Variants in RNF220 observed in about 807,000 individuals in gnomAD.
RNF220 encodes the protein E3 ubiquitin-protein ligase RNF220.
RNF220 carries 7 observed loss-of-function variants against 67.1 expected under a neutral mutation model. The ratio of observed to expected loss-of-function variants is 0.10; its 90% CI spans 0.06 to 0.20. RNF220 has a LOEUF of 0.20. Ranked by LOEUF, RNF220 falls within the 10% of genes least tolerant of loss-of-function variation. The pLI, the probability that RNF220 is intolerant of heterozygous loss-of-function variation, is 1.00. For missense variants in RNF220, 565 were observed against 740.3 expected (o/e 0.76, Z 2.75); for synonymous variants, 270 against 283.2 (o/e 0.95, Z 0.47).
chr1:44,558,321 A>G (rs1663281670), intron 2 of RNF220, among the ~76,000 whole-genome samples: 1 of 152,226 alleles, frequency 6.6e-6, no homozygotes, highest in Non-Finnish European at 1.5e-5. Context: ...TATGCACACC[A>G]AGGGCCATAC....
At chr1:44,560,358 G>C (rs1663469825) in intron 2 of RNF220, among the ~76,000 whole-genome samples, 1 of 152,190 alleles carries the variant, frequency 6.6e-6, no homozygotes, top group Admixed American at 6.5e-5. Flanking sequence ...ACAGCCACAA[G>C]ATTTTCCAGT....
chr1:44,493,792 T>C (rs751461990), intron 2 of RNF220, among the ~76,000 whole-genome samples: 9 of 151,156 alleles, frequency 6.0e-5, no homozygotes, highest in Non-Finnish European at 1.3e-4. Flanking sequence ...CTGGGCAACA[T>C]AGGGAGATTC....
At chr1:44,605,097 G>A (rs1268147260) in intron 2 of RNF220, among the ~76,000 whole-genome samples, 3 of 152,024 alleles carry the variant, frequency 2.0e-5, no homozygotes, top group Non-Finnish European at 1.5e-5. Flanking sequence ...TCAGGAGATC[G>A]AGACCATCCT....
At chr1:44,590,452 C>T (rs56186608) in intron 2 of RNF220, among the ~76,000 whole-genome samples, 53,826 of 152,126 alleles carry the variant, frequency 0.35, 10,065 homozygotes, top group African/African-American at 0.47. Flanking sequence ...CTGCAGGAGC[C>T]CCATGCTTCC....
intron 2 of RNF220, among the ~76,000 whole-genome samples, chr1:44,493,406 C>T (rs1657033456): frequency 6.6e-6 from 1 of 151,758 alleles, no homozygotes; most frequent in South Asian, 2.1e-4. Context: ...CCCAGCTACT[C>T]GGGAGGTTGA....
intron 2 of RNF220, among the ~76,000 whole-genome samples, chr1:44,524,877 A>G (rs1408223802): frequency 6.6e-6 from 1 of 152,248 alleles, no homozygotes; most frequent in Non-Finnish European, 1.5e-5. Flanking sequence ...CCCAAGGCTT[A>G]TCGGGGTTAG....
At chr1:44,609,585 A>G (rs1667517686) in intron 2 of RNF220, among the ~76,000 whole-genome samples, 1 of 152,170 alleles carries the variant, frequency 6.6e-6, no homozygotes. Flanking sequence ...TTGTGCCGGC[A>G]CTTGAGTTGC....
intron 2 of RNF220, among the ~76,000 whole-genome samples, chr1:44,450,440 C>A (rs992374398): frequency 4.6e-5 from 7 of 152,100 alleles, no homozygotes; most frequent in African/African-American, 1.7e-4. Flanking sequence ...TACTCCCTTC[C>A]ACAAACGTAA....
At chr1:44,619,136 A>C (rs2148442321) in intron 3 of RNF220, among the ~76,000 whole-genome samples, 1 of 152,336 alleles carries the variant, frequency 6.6e-6, no homozygotes. Flanking sequence ...GCCCTCAGGC[A>C]GGAGTTTCCA....
At chr1:44,612,737 G>A (rs270733) in intron 2 of RNF220, among the ~76,000 whole-genome samples, 149,456 of 152,252 alleles carry the variant, frequency 0.98, 73,420 homozygotes, top group Non-Finnish European at 1. Flanking sequence ...AGTATGTCCC[G>A]TGTAGTACTT....
chr1:44,602,801 T>C (rs562293859), intron 2 of RNF220, among the ~76,000 whole-genome samples: 10 of 152,062 alleles, frequency 6.6e-5, no homozygotes, highest in African/African-American at 2.2e-4. Context: ...TGCACCTTCA[T>C]TTCTCAGGTC....
chr1:44,456,980 C>T lies in RNF220; in HGVS notation c.625+44258C>T, dbSNP rs1653253664. On this transcript the variant is annotated intron_variant, in intron 2 of 14. Coordinates refer to ENST00000361799, the MANE Select transcript of RNF220 (RefSeq NM_018150.4). ...GGATCTGGAACACACGTCCCCCCAA[C>T]CCCTCCTGCTCCTACCTATCCCCAA... 3.3e-5 allele frequency among the ~76,000 whole-genome samples: 5 copies of T among 152,208 alleles called. No individual in the cohort carries two copies. In the South Asian group the frequency reaches 8.3e-4, roughly 25 times the overall value.
chr1:44,507,689 T>C (rs1658560847), intron 2 of RNF220, among the ~76,000 whole-genome samples: 1 of 152,024 alleles, frequency 6.6e-6, no homozygotes, highest in African/African-American at 2.4e-5. Context: ...GGGTACGGAA[T>C]GAAGCCCCGC....
At chr1:44,644,367 C>CT in intron 8 of RNF220, 1 of 248,372 alleles carries the variant, frequency 4.0e-6, no homozygotes, top group South Asian at 5.9e-5. Flanking sequence ...TTTCTGTCCT[C>CT]TTACTGTTCT....
chr1:44,467,205 CT>C (rs374067569), intron 2 of RNF220, among the ~76,000 whole-genome samples: 19 of 151,070 alleles, frequency 1.3e-4, no homozygotes, highest in East Asian at 5.8e-4. Context: ...TAGCTTCAAA[CT>C]TTTTTTTTTC....
intron 2 of RNF220, among the ~76,000 whole-genome samples, chr1:44,603,743 TGTTCCCTCCCTA>T (rs933541583): frequency 2.6e-5 from 4 of 152,112 alleles, no homozygotes; most frequent in Non-Finnish European, 5.9e-5. Flanking sequence ...TCATAGTCCT[TGTTCCCTCCCTA>T]GGGTTCTGGG....
intron 2 of RNF220, among the ~76,000 whole-genome samples, chr1:44,509,945 A>G (rs1208140492): frequency 6.6e-6 from 1 of 151,432 alleles, no homozygotes; most frequent in Non-Finnish European, 1.5e-5. Context: ...GAAAGAAAAG[A>G]AAATCAGCAT....
At chr1:44,644,648 C>T in intron 8 of RNF220, 50 bp from the exon 9 acceptor site, 1 of 1,489,666 alleles carries the variant, frequency 6.7e-7, no homozygotes, top group Middle Eastern at 1.8e-4. Flanking sequence ...GGAGGGGCAC[C>T]CTTGGCCTCG....
At position 44,624,898 on chromosome 1, in the gene RNF220, G is replaced by A. The variant is rs562520160; in HGVS notation, c.805-1399G>A. Among the ~76,000 whole-genome samples, 23 of 152,298 alleles carry A rather than the reference G, an allele frequency of 1.5e-4. No homozygotes were observed. Among genetic ancestry groups the A allele is most frequent in the African/African-American group, 5.3e-4 (22 of 41,566 alleles). On this transcript the variant is annotated intron_variant, in intron 4 of 14. Coordinates refer to ENST00000361799, the MANE Select transcript of RNF220 (RefSeq NM_018150.4). The surrounding 1 kb of genome is among the most constrained non-coding windows in gnomAD (Gnocchi z 4.2). Reference sequence around the variant, plus strand: ...AGGCAAAAAGTCATGATTTAATGCCGGGATTTTTTTTCAAAACACATTTTA... The same window carrying A: ...AGGCAAAAAGTCATGATTTAATGCCAGGATTTTTTTTCAAAACACATTTTA...
Sources: allele counts gnomAD v4.1 joint callset (sites outside exome capture counted in the v4.1 genomes callset), GRCh38; gene constraint gnomAD v4.1.1; non-coding constraint Gnocchi (gnomAD v3.1); transcripts MANE v1.5; gene names NCBI Gene and HGNC (gene_info 2026-07-23, HGNC 2026-07-21).